PLD4: variants seen among roughly 807,000 people sequenced by gnomAD.
PLD4 encodes the protein phospholipase D family member 4.
In PLD4, 54 loss-of-function variants were observed where a neutral mutation model predicts 52.3. That is an observed-to-expected ratio of 1.03 (90% CI 0.83 to 1.30). The LOEUF (loss-of-function observed/expected upper bound fraction) is 1.30, where lower values mean the gene tolerates loss of function less well. PLD4 is among the 50% of genes most tolerant of loss of function. The pLI is 0.00. For missense variants in PLD4, 731 were observed against 671.1 expected (o/e 1.09, Z -0.99); for synonymous variants, 264 against 286.5 (o/e 0.92, Z 0.79).
At chr14:104,931,535 G>C (rs1207871322) in intron 7 of PLD4, among the ~76,000 whole-genome samples, 2 of 152,180 alleles carry the variant, frequency 1.3e-5, no homozygotes, top group African/African-American at 4.8e-5. Flanking sequence ...CTGGAGCCCA[G>C]GGCAGTCCAG....
chr14:104,933,232 G>A lies in PLD4; in HGVS notation c.*268G>A, dbSNP rs1263528751. The stretch of plus-strand genomic sequence containing the variant: ...AGGCCAGGCCTAAAAAAAACTCGTG[G>A]CTTCCCGGTGCCTCTGTGTGAGTCC... On this transcript the variant is annotated 3_prime_UTR_variant, in exon 11 of 11. Transcript: ENST00000392593. The A allele has an allele frequency of 5.0e-6, 2 of 397,130 alleles. No individual in the cohort carries two copies. Among genetic ancestry groups the A allele is most frequent in the East Asian group, 3.9e-5 (1 of 25,342 alleles). 24.6% of individuals were successfully genotyped at this position (397,130 alleles called of 1,614,324 possible).
At chr14:104,925,835 A>AC (rs1897437523) in intron 1 of PLD4, among the ~76,000 whole-genome samples, 2 of 150,848 alleles carry the variant, frequency 1.3e-5, no homozygotes, top group South Asian at 4.2e-4. Flanking sequence ...CCTCTGCAGG[A>AC]CCCCCCAGCG....
chr14:104,928,510 C>T (rs926194572), intron 3 of PLD4, among the ~76,000 whole-genome samples: 1 of 152,222 alleles, frequency 6.6e-6, no homozygotes, highest in Non-Finnish European at 1.5e-5. Context: ...CTCTCAGGCT[C>T]CTTCCCAAAT....
rs1409428345 is a variant in PLD4 at position 104,932,982 on chromosome 14, C to T, written c.*18C>T. The stretch of plus-strand genomic sequence containing the variant: ...AGGGCTGAGGGGGGCCTCTTTTTCT[C>T]TCGGCGACCCCGCCCCGCACGCGCC... On this transcript the variant is annotated 3_prime_UTR_variant, in exon 11 of 11. Transcript: ENST00000392593. This position sits in a 1 kb window ranked among gnomAD's most constrained non-coding sequence, Gnocchi z 6.5. 6.5e-7 allele frequency: 1 copy of T among 1,541,424 alleles called. No individual in the cohort carries two copies.
chr14:104,933,637 C>CGGGGAGGG, downstream of PLD4: 1 of 90,354 alleles, frequency 1.1e-5, no homozygotes, highest in Non-Finnish European at 2.2e-5. Flanking sequence ...GCTGAGGGGA[C>CGGGGAGGG]CGGGAGGGCG....
chr14:104,930,727 CT>C lies in PLD4; in HGVS notation c.718-12del. The C allele has an allele frequency of 6.2e-7, 1 of 1,613,030 alleles. No individual in the cohort carries two copies. On this transcript the variant is annotated splice_polypyrimidine_tract_variant and intron_variant, in intron 6 of 10. Coordinates refer to ENST00000392593, the MANE Select transcript of PLD4 (RefSeq NM_138790.5). ...GGGGTTTTTCTCCCACAGCGCCTGA[CT>C]TTGGTCCCTGCAGGTGAAGGAGCTT...
chr14:104,928,049 G>A (rs370860613), intron 3 of PLD4, among the ~76,000 whole-genome samples, 183 bp downstream of exon 3: 27 of 152,106 alleles, frequency 1.8e-4, no homozygotes, highest in African/African-American at 5.3e-4. Context: ...CGGGGCAGGC[G>A]TGTGGTGCTT....
chr14:104,932,186 G>A lies in PLD4; in HGVS notation c.1224+9G>A, dbSNP rs574109751. 121 of 1,611,756 alleles carry A rather than the reference G, an allele frequency of 7.5e-5. No individual in the cohort carries two copies. The South Asian group carries it at 1.2e-3, about 16-fold the overall frequency. The stretch of plus-strand genomic sequence containing the variant: ...ACGTCTCTGTGGACGTGGTGAGGGC[G>A]TGCTCCCGGCCGGGCGTGGGAAAGG... On this transcript the variant is annotated intron_variant, in intron 9 of 10. Coordinates refer to ENST00000392593, the MANE Select transcript of PLD4 (RefSeq NM_138790.5). This position sits in a 1 kb window ranked among gnomAD's most constrained non-coding sequence, Gnocchi z 6.5.
chr14:104,930,913 G>A lies in PLD4; in HGVS notation c.889G>A (p.Asp297Asn), dbSNP rs748405053. The change falls in exon 7 of 11, where the codon GAT becomes AAT. Residue 297 changes from aspartate (D) to asparagine (N), a missense_variant. Transcript: ENST00000392593. ...TTTCCAGCCCTTCCACGGCCTCTTT[G>A]ATGGGGTGCCCACCACTGCCTACTT... is the stretch of plus-strand genomic sequence containing the variant. ...NRFQPFHGLFDGVPTTAYFSA... is the reference protein window; with the variant it reads ...NRFQPFHGLFNGVPTTAYFSA... 6.2e-7 allele frequency: 1 copy of A among 1,613,386 alleles called. No individual in the cohort carries two copies. Among genetic ancestry groups the A allele is most frequent in the South Asian group, 1.1e-5 (1 of 91,084 alleles).
intron 3 of PLD4, 44 bp downstream of exon 3, chr14:104,927,910 G>A: frequency 6.7e-7 from 1 of 1,485,548 alleles, no homozygotes; most frequent in Non-Finnish European, 9.0e-7. Flanking sequence ...TCTCAGTTTG[G>A]GGCTGCTGCC....
rs1034687994 is a variant in PLD4 at position 104,932,486 on chromosome 14, T to C, written c.1321+131T>C. 6.4e-6 allele frequency: 7 copies of C among 1,088,448 alleles called. No individual in the cohort carries two copies. In the Admixed American group the frequency reaches 1.2e-4, roughly 18 times the overall value. 67.4% of individuals were successfully genotyped at this position (1,088,448 alleles called of 1,614,324 possible). A position where few individuals can be genotyped will look rare whatever the true frequency, so the allele number is the denominator to read the frequency against. On this transcript the variant is annotated intron_variant, in intron 10 of 10. Coordinates refer to ENST00000392593, the MANE Select transcript of PLD4 (RefSeq NM_138790.5). This position sits in a 1 kb window ranked among gnomAD's most constrained non-coding sequence, Gnocchi z 6.5. ...CTGCTGAAGGGGGACGGGGTCTCCA[T>C]GGAGTTCCGGGGACCAGGCCACCCG...
In PLD4 at chr14:104,927,993, C is replaced by T. The variant is rs1206439781; in HGVS notation, c.284+127C>T. On this transcript the variant is annotated intron_variant, in intron 3 of 10. Coordinates refer to ENST00000392593, the MANE Select transcript of PLD4 (RefSeq NM_138790.5). ...CCAGCTCCTCCAGGAAGGTGCAGGT[C>T]ACCAGGGAGGGCCACGACCATATGA... 8 of 1,118,808 alleles carry T rather than the reference C, an allele frequency of 7.2e-6. No homozygotes were observed. The East Asian group carries it at 2.1e-4, about 29-fold the overall frequency. The allele number at this position is 1,118,808 out of a possible 1,614,324, so 69.3% of individuals were successfully genotyped here.
In PLD4 at chr14:104,926,715, G is replaced by A. The variant is rs10147383; in HGVS notation, c.1-426G>A. 8.2e-3 allele frequency among the ~76,000 whole-genome samples: 1,244 copies of A among 152,364 alleles called. 27 individuals carry two copies. The highest frequency in any genetic ancestry group is 0.029 in the African/African-American group (1,186 of 41,572). On this transcript the variant is annotated intron_variant, in intron 1 of 10. Coordinates refer to ENST00000392593, the MANE Select transcript of PLD4 (RefSeq NM_138790.5). ...AAAAGCAGAAACAGCCCTTTCAGAC[G>A]CAGTTTCAGTTGTGGTTGAAACAGG...
At position 104,927,188 on chromosome 14, in the gene PLD4, C is replaced by A; in HGVS notation, c.48C>A (p.Cys16Ter). 1 of 1,562,182 alleles carries A rather than the reference C, an allele frequency of 6.4e-7. No individual in the cohort carries two copies. The highest frequency in any genetic ancestry group is 8.7e-7 in the Non-Finnish European group (1 of 1,153,630). The change falls in exon 2 of 11, where the codon TGC (cysteine) becomes TGA (stop). Residue 16 changes from cysteine (C) to a stop codon, truncating the protein, a stop_gained. Transcript: ENST00000392593. LOFTEE classifies it high-confidence loss of function. ...CAGCAGTGGCCCCCACATGGCCATGCTCCATGCCGCCCCGCCGCCCGTGGG... is the reference window on the plus strand; with the variant it reads ...CAGCAGTGGCCCCCACATGGCCATGATCCATGCCGCCCCGCCGCCCGTGGG... ...WKAAVAPTWPCSMPPRRPWDR... is the reference protein window; with the variant it reads ...WKAAVAPTWP
chr14:104,932,790 C>A lies in PLD4; in HGVS notation c.1347C>A (p.Tyr449Ter). 1 of 1,594,964 alleles carries A rather than the reference C, an allele frequency of 6.3e-7. No homozygotes were observed. The change falls in exon 11 of 11, where the codon TAC becomes TAA. Residue 449 changes from tyrosine (Y) to a stop codon, truncating the protein, a stop_gained. Coordinates refer to ENST00000392593, the MANE Select transcript of PLD4 (RefSeq NM_138790.5). LOFTEE classifies it low-confidence loss of function (END_TRUNC). This position sits in a 1 kb window ranked among gnomAD's most constrained non-coding sequence, Gnocchi z 6.5. ...YIGTSNWSEDYFSSTAGVGLV... is the reference protein window; with the variant it reads ...YIGTSNWSED The stretch of plus-strand genomic sequence containing the variant: ...GCACCTCCAACTGGTCGGAGGATTA[C>A]TTCAGCAGCACGGCGGGGGTGGGCT...
chr14:104,929,346 A>G lies in PLD4; in HGVS notation c.508A>G (p.Arg170Gly). The G allele has an allele frequency of 1.3e-6, 2 of 1,574,944 alleles. No individual in the cohort carries two copies. Among genetic ancestry groups the G allele is most frequent in the Non-Finnish European group, 1.7e-6 (2 of 1,160,658 alleles). The change falls in exon 5 of 11, where the codon AGG becomes GGG. Residue 170 changes from arginine (R) to glycine (G), a missense_variant. By Grantham distance (125) the Arg-to-Gly change is moderately radical. Transcript: ENST00000392593. ...LLQKLQQLLGRNISLAVATSS... is the reference protein window; with the variant it reads ...LLQKLQQLLGGNISLAVATSS... The stretch of plus-strand genomic sequence containing the variant: ...GCAGAAGCTGCAGCAGCTGCTGGGC[A>G]GGAACATTTCCCTGGCTGTGGCCAC...
chr14:104,931,972 C>T (rs1897660474), intron 8 of PLD4, 40 bp from the exon 9 acceptor site: 5 of 1,537,336 alleles, frequency 3.3e-6, no homozygotes, highest in Non-Finnish European at 3.5e-6. Flanking sequence ...CCCTATCGGG[C>T]CCGGCTTGTA....
Position 104,929,320 on chromosome 14 carries a change from T to G in PLD4, c.482T>G (p.Leu161Arg). 1 of 1,580,062 alleles carries G rather than the reference T, an allele frequency of 6.3e-7. No homozygotes were observed. The highest frequency in any genetic ancestry group is 8.6e-7 in the Non-Finnish European group (1 of 1,163,444). The change falls in exon 5 of 11, where the codon CTG becomes CGG. Residue 161 changes from leucine to arginine, a missense_variant. Leu to Arg is a moderately radical substitution (Grantham distance 102). Transcript: ENST00000392593. ...CTGGCCTTGCAGGGAGAGGCTCTTCTGCAGAAGCTGCAGCAGCTGCTGGGC... is the reference window on the plus strand; with the variant it reads ...CTGGCCTTGCAGGGAGAGGCTCTTCGGCAGAAGCTGCAGCAGCTGCTGGGC... ...DSSSQLGEAL[L>R]QKLQQLLGRN...
downstream of PLD4, chr14:104,934,406 G>C (rs1291491898): frequency 1.3e-5 from 2 of 152,208 alleles, no homozygotes; most frequent in Admixed American, 1.3e-4. Context: ...TTTGAACCCA[G>C]GTTTGGCAAC....
Sources: allele counts gnomAD v4.1 joint callset (sites outside exome capture counted in the v4.1 genomes callset), GRCh38; gene constraint gnomAD v4.1.1; non-coding constraint Gnocchi (gnomAD v3.1); transcripts MANE v1.5; gene names NCBI Gene and HGNC (gene_info 2026-07-23, HGNC 2026-07-21).